The following WRN variants were observed in gnomAD, a reference collection of about 807,000 sequenced individuals.
WRN encodes the protein bifunctional 3'-5' exonuclease/ATP-dependent helicase WRN.
Under a neutral mutation model 180.7 loss-of-function variants are expected in WRN, and 149 were observed. The observed-to-expected ratio is 0.82, with a 90% CI of 0.72 to 0.94. The LOEUF is 0.94. WRN is among the 40% of genes least tolerant of loss of function. The pLI is 0.00. For missense variants in WRN, 1,661 were observed against 1,700.1 expected, an observed-to-expected ratio of 0.98 and a Z score of 0.40; for synonymous variants, 548 against 568.9, an observed-to-expected ratio of 0.96 and a Z score of 0.52.
chr8:31,144,907 C>G (rs1368124518), intron 28 of WRN, among the ~76,000 whole-genome samples: 1 of 152,118 alleles, frequency 6.6e-6, no homozygotes, highest in East Asian at 1.9e-4. Context: ...GAGATTAAAC[C>G]AGCCACAACA....
intron 30 of WRN, among the ~76,000 whole-genome samples, chr8:31,147,883 C>CTTTTTT (rs1802928297): frequency 7.9e-6 from 1 of 125,996 alleles, no homozygotes. Flanking sequence ...TCTTCTTCTT[C>CTTTTTT]ATTTTTTTTT....
At chr8:31,051,421 G>T (rs2243826) in intron 1 of WRN, among the ~76,000 whole-genome samples, 17,701 of 152,070 alleles carry the variant, frequency 0.12, 1,296 homozygotes, top group East Asian at 0.22. Context: ...AGCTAATTTG[G>T]AATGTAATTG....
At position 31,056,563 on chromosome 8, in the gene WRN, G is replaced by T. The variant is rs557143042; in HGVS notation, c.-76-1809G>T. Among the ~76,000 whole-genome samples the T allele has an allele frequency of 4.3e-4, 65 of 152,266 alleles. 1 individual carries two copies. Among genetic ancestry groups the T allele is most frequent in the South Asian group, 1.5e-3 (7 of 4,824 alleles). ...CTGTGAATATAGGCAAGCACCAATT[G>T]CAGGTAGAACATTCTTTTTTTGAGT... On this transcript the variant is annotated intron_variant, in intron 1 of 34. Transcript: ENST00000298139.
chr8:31,096,258 A>G (rs988399836), intron 16 of WRN, among the ~76,000 whole-genome samples: 6 of 152,192 alleles, frequency 3.9e-5, no homozygotes, highest in African/African-American at 1.4e-4. Context: ...TCCATATAGA[A>G]AATTAAGTTT....
At chr8:31,103,160 G>C (rs1800946094) in intron 18 of WRN, among the ~76,000 whole-genome samples, 1 of 152,188 alleles carries the variant, frequency 6.6e-6, no homozygotes, top group African/African-American at 2.4e-5. Context: ...TCATGGAGCT[G>C]TCATCTGTGA....
At chr8:31,090,437 A>G in intron 13 of WRN, 28 bp from the exon 14 acceptor site, 1 of 1,605,796 alleles carries the variant, frequency 6.2e-7, no homozygotes, top group Non-Finnish European at 8.5e-7. Flanking sequence ...TAATAAAACA[A>G]AATAGCTTTT....
At chr8:31,082,183 A>AT (rs1280936006) in intron 9 of WRN, among the ~76,000 whole-genome samples, 1 of 152,128 alleles carries the variant, frequency 6.6e-6, no homozygotes, top group Non-Finnish European at 1.5e-5. Flanking sequence ...CATTAAATTG[A>AT]TTTCTTAATT....
At chr8:31,108,032 G>A (rs1412282419) in intron 18 of WRN, among the ~76,000 whole-genome samples, 1 of 152,200 alleles carries the variant, frequency 6.6e-6, no homozygotes, top group Non-Finnish European at 1.5e-5. Context: ...CCTGAATTTA[G>A]AAGCAGGTGG....
In WRN at chr8:31,067,053, G is replaced by A. The variant is rs1388763934; in HGVS notation, c.525G>A (p.Trp175Ter). ...TCTAGCTGAAATGCACAGAGACCTG[G>A]AGCCTTAACAGTCTGGTTAAACACC... ...ANKKLKCTET[W>*]SLNSLVKHLL... Residue 175 changes from tryptophan (W) to a stop codon, truncating the protein, a stop_gained, in exon 6 of 35, where the codon TGG becomes TGA. Coordinates refer to ENST00000298139, the MANE Select transcript of WRN (RefSeq NM_000553.6). LOFTEE classifies it high-confidence loss of function. 1 of 1,613,790 alleles carries A rather than the reference G, an allele frequency of 6.2e-7. No individual in the cohort carries two copies. Among genetic ancestry groups the A allele is most frequent in the Non-Finnish European group, 8.5e-7 (1 of 1,179,920 alleles).
rs1300916927 is a variant in WRN, at chr8:31,175,719, C to G, written c.*2617C>G. Among the ~76,000 whole-genome samples, 1 of 152,160 alleles carries G rather than the reference C, an allele frequency of 6.6e-6. No individual in the cohort carries two copies. Among genetic ancestry groups the G allele is most frequent in the South Asian group, 2.1e-4 (1 of 4,834 alleles). On this transcript the variant is annotated 3_prime_UTR_variant, in exon 35 of 35. Transcript: ENST00000298139. The stretch of plus-strand genomic sequence containing the variant: ...TTTTTTTCATATACTTCAGCCAAAA[C>G]AGCATATCAAAATGGATTGAATGCA...
chr8:31,047,656 A>T (rs764277176), intron 1 of WRN, among the ~76,000 whole-genome samples: 1 of 152,208 alleles, frequency 6.6e-6, no homozygotes, highest in Non-Finnish European at 1.5e-5. Context: ...GATGAATCCT[A>T]TAAAATTTTA....
chr8:31,156,480 T>A (rs1221621804), intron 32 of WRN, among the ~76,000 whole-genome samples: 1 of 152,250 alleles, frequency 6.6e-6, no homozygotes. Flanking sequence ...CAAATAACCC[T>A]GATATTATGC....
intron 17 of WRN, among the ~76,000 whole-genome samples, chr8:31,097,367 C>A (rs776415322): frequency 6.6e-6 from 1 of 152,066 alleles, no homozygotes; most frequent in Admixed American, 6.6e-5. Flanking sequence ...ATTTAACAGG[C>A]CTGGGTTGGC....
At position 31,100,920 on chromosome 8, in the gene WRN, A is replaced by G. The variant is rs1814200734; in HGVS notation, c.2053A>G (p.Arg685Gly). ...EWGHDFRDSF[R>G]KLGSLKTALP... ...GGGGCATGATTTTAGGGATTCATTC[A>G]GGAAGTTGGGCTCCCTAAAGACAGC... The change falls in exon 18 of 35, where the codon AGG becomes GGG. Residue 685 changes from arginine to glycine, a missense_variant. By Grantham distance (125) the Arg-to-Gly change is moderately radical (BLOSUM62 -2). This residue lies in a region of WRN where 1,141 missense variants were observed against 1,149.4 expected (regional missense o/e 0.99). Transcript: ENST00000298139. 1 of 1,613,940 alleles carries G rather than the reference A, an allele frequency of 6.2e-7. No individual in the cohort carries two copies. Among genetic ancestry groups the G allele is most frequent in the Non-Finnish European group, 8.5e-7 (1 of 1,179,912 alleles).
intron 23 of WRN, among the ~76,000 whole-genome samples, chr8:31,127,818 G>A (rs1391373128): frequency 6.6e-6 from 1 of 152,124 alleles, no homozygotes; most frequent in Non-Finnish European, 1.5e-5. Flanking sequence ...CAGCTACTCT[G>A]GAGGCTAAGG....
intron 8 of WRN, among the ~76,000 whole-genome samples, chr8:31,080,509 A>G (rs1328646637): frequency 6.6e-6 from 1 of 151,480 alleles, no homozygotes; most frequent in South Asian, 2.1e-4. Context: ...TCAACTTAGA[A>G]TTTAATGAAA....
Position 31,067,037 on chromosome 8 carries a change from A to G in WRN, c.509A>G (p.Lys170Arg). The change falls in exon 6 of 35, where the codon AAA becomes AGA. Residue 170 changes from lysine (K) to arginine (R), a missense_variant. Transcript: ENST00000298139. ...ELTDVANKKL[K>R]CTETWSLNSL... The stretch of plus-strand genomic sequence containing the variant: ...TTGCTTTTTCATCATTTCTAGCTGA[A>G]ATGCACAGAGACCTGGAGCCTTAAC... 1 of 1,613,782 alleles carries G rather than the reference A, an allele frequency of 6.2e-7. No homozygotes were observed. The highest frequency in any genetic ancestry group is 8.5e-7 in the Non-Finnish European group (1 of 1,179,908).
At chr8:31,078,829 G>A (rs1813194536) in intron 8 of WRN, among the ~76,000 whole-genome samples, 1 of 152,138 alleles carries the variant, frequency 6.6e-6, no homozygotes, top group Non-Finnish European at 1.5e-5. Flanking sequence ...ACTGAAGAAG[G>A]CAGGACAGCC....
Position 31,147,114 on chromosome 8 carries a change from G to C in WRN, c.3445G>C (p.Glu1149Gln). The C allele has an allele frequency of 6.2e-7, 1 of 1,613,886 alleles. No homozygotes were observed. Among genetic ancestry groups the C allele is most frequent in the Non-Finnish European group, 8.5e-7 (1 of 1,179,852 alleles). ...CTCACAGCCTGTTATTTCGGCACAA[G>C]AGCAGGAGACTCAGGTAAGGCTTTT... Reference protein sequence around the residue: ...SSSQPVISAQEQETQIVLYGK... With the variant: ...SSSQPVISAQQQETQIVLYGK... Residue 1149 changes from glutamate to glutamine, a missense_variant, in exon 29 of 35, where the codon GAG (glutamate) becomes CAG (glutamine). By Grantham distance (29) the Glu-to-Gln change is conservative. Around this residue, in one of 3 missense-constraint regions of WRN, gnomAD observed 1,141 missense variants for 1,149.4 expected, o/e 0.99. Coordinates refer to ENST00000298139, the MANE Select transcript of WRN (RefSeq NM_000553.6).
Sources: allele counts gnomAD v4.1 joint callset (sites outside exome capture counted in the v4.1 genomes callset), GRCh38; gene constraint gnomAD v4.1.1; regional missense constraint gnomAD v4.1.1; transcripts MANE v1.5; gene names NCBI Gene and HGNC (gene_info 2026-07-23, HGNC 2026-07-21).